The following PIK3C2A variants were observed in gnomAD, a reference collection of about 807,000 sequenced individuals.
The protein encoded by PIK3C2A is phosphatidylinositol-4-phosphate 3-kinase catalytic subunit type 2 alpha, also known as phosphatidylinositol 4-phosphate 3-kinase C2 domain-containing subunit alpha.
A neutral mutation model predicts 204.5 loss-of-function variants in PIK3C2A; 97 were observed. The ratio of observed to expected loss-of-function variants is 0.47; its 90% CI spans 0.40 to 0.56. The LOEUF (loss-of-function observed/expected upper bound fraction) is 0.56, where lower values mean the gene tolerates loss of function less well. Among genes scored for constraint, PIK3C2A ranks in the 20% least tolerant of loss-of-function variants. The probability of loss-of-function intolerance (pLI) is 0.00; values close to 1 mark genes in which losing one functional copy is unlikely to be tolerated. For missense variants in PIK3C2A, 1,735 were observed against 1,969.2 expected, an observed-to-expected ratio of 0.88 and a Z score of 2.25; for synonymous variants, 653 against 664.4, an observed-to-expected ratio of 0.98 and a Z score of 0.26.
At chr11:17,135,433 G>GT (rs1330823260) in intron 9 of PIK3C2A, among the ~76,000 whole-genome samples, 4 of 152,074 alleles carry the variant, frequency 2.6e-5, no homozygotes. Context: ...AAATCTAGAA[G>GT]TGACAAGTAC....
At chr11:17,206,492 C>A (rs1422318678) in intron 1 of PIK3C2A, among the ~76,000 whole-genome samples, 2 of 151,130 alleles carry the variant, frequency 1.3e-5, no homozygotes, top group Non-Finnish European at 2.9e-5. Flanking sequence ...ACCATCCTGT[C>A]CAGATAAGGT....
chr11:17,196,284 G>C (rs1852152052), intron 1 of PIK3C2A, among the ~76,000 whole-genome samples: 1 of 152,154 alleles, frequency 6.6e-6, no homozygotes. Flanking sequence ...AGGAAGCCCA[G>C]GGTGAATTTC....
chr11:17,177,865 G>T (rs1171389954), intron 1 of PIK3C2A, among the ~76,000 whole-genome samples: 2 of 152,164 alleles, frequency 1.3e-5, no homozygotes, highest in African/African-American at 4.8e-5. Flanking sequence ...GGCCAAGGCA[G>T]GTGGATCACC....
chr11:17,168,075 GGACA>G (rs1351446041), intron 2 of PIK3C2A, among the ~76,000 whole-genome samples: 4 of 151,934 alleles, frequency 2.6e-5, no homozygotes, highest in Admixed American at 1.3e-4. Flanking sequence ...GAGGAGACAT[GGACA>G]GACAAATTTA....
chr11:17,194,350 C>A (rs757510793), intron 1 of PIK3C2A: 21 of 261,960 alleles, frequency 8.0e-5, no homozygotes, highest in Non-Finnish European at 1.3e-4. Flanking sequence ...CTGGTGCAAC[C>A]TGCCCAGGCT....
chr11:17,175,420 T>C (rs192100453), intron 1 of PIK3C2A, among the ~76,000 whole-genome samples: 12 of 152,328 alleles, frequency 7.9e-5, no homozygotes, highest in Admixed American at 7.8e-4. Flanking sequence ...AAAGTAACCC[T>C]GTGCTTCAGC....
intron 1 of PIK3C2A, among the ~76,000 whole-genome samples, chr11:17,203,807 T>C (rs1852466293): frequency 6.6e-6 from 1 of 152,170 alleles, no homozygotes; most frequent in Non-Finnish European, 1.5e-5. Flanking sequence ...GTACAGTGGC[T>C]CACGCCTGTA....
chr11:17,106,964 T>G (rs535340499), intron 22 of PIK3C2A, among the ~76,000 whole-genome samples: 2 of 152,250 alleles, frequency 1.3e-5, no homozygotes, highest in East Asian at 3.9e-4. Context: ...GCCTCCTAAT[T>G]GAAATATAAA....
At position 17,202,566 on chromosome 11, in the gene PIK3C2A, C is replaced by G. The variant is rs183101801; in HGVS notation, c.-66+5282G>C. On this transcript the variant is annotated intron_variant, in intron 1 of 32. Coordinates refer to ENST00000691414, the MANE Select transcript of PIK3C2A (RefSeq NM_002645.4). ...TCCAGCCTGAGCGACACAGAGAGAACCTCCCTCAAAAAAAAAAAAGAACAG... is the reference window on the plus strand; with the variant it reads ...TCCAGCCTGAGCGACACAGAGAGAAGCTCCCTCAAAAAAAAAAAAGAACAG... Among the ~76,000 whole-genome samples the G allele has an allele frequency of 2.5e-3, 375 of 151,612 alleles. 3 individuals carry two copies. The highest frequency in any genetic ancestry group is 2.1e-3 in the Non-Finnish European group (143 of 67,910).
intron 1 of PIK3C2A, chr11:17,193,849 A>AAGGAAAAG (rs1852027773): frequency 2.2e-5 from 1 of 45,634 alleles, no homozygotes; most frequent in African/African-American, 1.1e-4. Context: ...TGTCTCAAAA[A>AAGGAAAAG]AAGAAAAGAA....
chr11:17,175,815 T>G (rs951837918), intron 1 of PIK3C2A, among the ~76,000 whole-genome samples: 2 of 152,196 alleles, frequency 1.3e-5, no homozygotes, highest in East Asian at 3.8e-4. Context: ...AATTTAAATT[T>G]AAACCCCAGA....
intron 1 of PIK3C2A, among the ~76,000 whole-genome samples, chr11:17,188,987 T>C (rs1045450761): frequency 1.4e-5 from 2 of 146,770 alleles, no homozygotes; most frequent in Non-Finnish European, 2.9e-5. Context: ...AGAGATCTCC[T>C]GAGACACAGA....
intron 3 of PIK3C2A, among the ~76,000 whole-genome samples, chr11:17,151,320 A>G (rs1272069922): frequency 6.6e-6 from 1 of 152,196 alleles, no homozygotes; most frequent in African/African-American, 2.4e-5. Context: ...CGTAAGACAA[A>G]GATTTGATAA....
At chr11:17,151,875 C>T (rs1229116455) in intron 3 of PIK3C2A, among the ~76,000 whole-genome samples, 1 of 152,142 alleles carries the variant, frequency 6.6e-6, no homozygotes, top group African/African-American at 2.4e-5. Flanking sequence ...ATAAATTACT[C>T]AGTCTCAAGC....
At chr11:17,117,708 GTTTTTTTTTTTTTTT>G (rs35485246) in intron 18 of PIK3C2A, 37 bp from the exon 19 acceptor site, 2 of 319,488 alleles carry the variant, frequency 6.3e-6, no homozygotes, top group East Asian at 1.2e-4. Flanking sequence ...TCACGTCTTG[GTTTTTTTTTTTTTTT>G]TTTTTTTTTG....
chr11:17,122,941 A>G (rs1849410316), intron 13 of PIK3C2A, 128 bp from the exon 14 acceptor site: 1 of 566,092 alleles, frequency 1.8e-6, no homozygotes, highest in South Asian at 2.4e-5. Context: ...TTAAGAACAT[A>G]TCAGAAGGAT....
chr11:17,200,246 T>C (rs1029553701), intron 1 of PIK3C2A, among the ~76,000 whole-genome samples: 14 of 152,056 alleles, frequency 9.2e-5, no homozygotes, highest in African/African-American at 3.1e-4. Flanking sequence ...TTGTTTCCCA[T>C]TTTCAACAAA....
At position 17,169,003 on chromosome 11, in the gene PIK3C2A, C is replaced by T; in HGVS notation, c.739G>A (p.Glu247Lys). The change falls in exon 2 of 33, where the codon GAG (glutamate) becomes AAG (lysine). Residue 247 changes from glutamate to lysine, a missense_variant. Coordinates refer to ENST00000691414, the MANE Select transcript of PIK3C2A (RefSeq NM_002645.4). ...TTGCTGACTTTTGAATCTGTTATCTCCAAATCAGTCCTTGCTTTCCCATTT... is the reference window on the plus strand; with the variant it reads ...TTGCTGACTTTTGAATCTGTTATCTTCAAATCAGTCCTTGCTTTCCCATTT... ...LKNGKARTDL[E>K]ITDSKVSNLQ... 1 of 1,613,712 alleles carries T rather than the reference C, an allele frequency of 6.2e-7. No individual in the cohort carries two copies. The highest frequency in any genetic ancestry group is 8.5e-7 in the Non-Finnish European group (1 of 1,179,906).
At chr11:17,094,210 T>C in intron 28 of PIK3C2A, 51 bp downstream of exon 28, 1 of 1,418,604 alleles carries the variant, frequency 7.0e-7, no homozygotes, top group Non-Finnish European at 9.8e-7. Context: ...CTACATTTGA[T>C]AACAAGTTGT....
Sources: gnomAD v4.1 joint callset for allele counts (sites outside exome capture counted in the v4.1 genomes callset) on GRCh38, gnomAD v4.1.1 for gene constraint, MANE v1.5 for transcripts, NCBI Gene and HGNC (gene_info 2026-07-23, HGNC 2026-07-21) for gene names.